The following GRIA1 variants were observed in gnomAD, a reference collection of about 807,000 sequenced individuals.
The protein encoded by GRIA1 is glutamate ionotropic receptor AMPA type subunit 1, also known as glutamate receptor 1.
Under a neutral mutation model 99.2 loss-of-function variants are expected in GRIA1, and 31 were observed. The observed-to-expected ratio is 0.31, with a 90% CI of 0.23 to 0.42. The LOEUF (loss-of-function observed/expected upper bound fraction) is 0.42. Ranked by LOEUF, GRIA1 falls within the 10% of genes least tolerant of loss-of-function variation. The probability of loss-of-function intolerance (pLI) is 1.00; values close to 1 mark genes in which losing one functional copy is unlikely to be tolerated. For missense variants in GRIA1, 782 were observed against 1,157.5 expected, an observed-to-expected ratio of 0.68 and a Z score of 4.71; for synonymous variants, 438 against 432.4, an observed-to-expected ratio of 1.01 and a Z score of -0.16.
intron 5 of GRIA1, among the ~76,000 whole-genome samples, chr5:153,658,390 G>T (rs1184554538): frequency 6.6e-6 from 1 of 152,076 alleles, no homozygotes; most frequent in Non-Finnish European, 1.5e-5. Flanking sequence ...TCAGCCTCTT[G>T]GGCTGTTGTA....
intron 7 of GRIA1, among the ~76,000 whole-genome samples, chr5:153,684,162 T>C (rs1392025956): frequency 1.3e-5 from 2 of 152,168 alleles, no homozygotes; most frequent in African/African-American, 2.4e-5. Context: ...CCCATGTAAA[T>C]AAAGATCATA....
intron 2 of GRIA1, among the ~76,000 whole-genome samples, chr5:153,510,584 C>G (rs1755968493): frequency 1.3e-5 from 2 of 152,044 alleles, no homozygotes; most frequent in Admixed American, 6.6e-5. Context: ...GAGGGTTTCT[C>G]CGGAGCTCTG....
chr5:153,592,407 G>A (rs183782495), intron 2 of GRIA1, among the ~76,000 whole-genome samples: 55 of 151,870 alleles, frequency 3.6e-4, no homozygotes, highest in Non-Finnish European at 2.4e-4. Context: ...TGTCTGTGCC[G>A]TGGTCTCTTT....
chr5:153,723,747 G>A (rs998502032), intron 11 of GRIA1, among the ~76,000 whole-genome samples: 15 of 151,408 alleles, frequency 9.9e-5, no homozygotes, highest in Non-Finnish European at 1.8e-4. Context: ...CAGGAAGCTC[G>A]AACTGGGTGG....
chr5:153,495,843 G>A (rs1455202238), intron 2 of GRIA1, among the ~76,000 whole-genome samples: 1 of 152,166 alleles, frequency 6.6e-6, no homozygotes, highest in Non-Finnish European at 1.5e-5. Context: ...AGGGTCTTTG[G>A]AAGGGGCATT....
chr5:153,812,038 G>C lies in GRIA1; in HGVS notation c.*813G>C, dbSNP rs891835339. The C allele has an allele frequency of 1.9e-4, 29 of 152,240 alleles. No homozygotes were observed. Among genetic ancestry groups the C allele is most frequent in the African/African-American group, 7.0e-4 (29 of 41,530 alleles). The allele number at this position is 152,240 out of a possible 1,614,324, so 9.4% of individuals were successfully genotyped here. A position where few individuals can be genotyped will look rare whatever the true frequency, so the allele number is the denominator to read the frequency against. ...CATTTCATAGGTCATAGGTGGTATG[G>C]TATATTTCTTCAGAGTCAACCTTGG... On this transcript the variant is annotated 3_prime_UTR_variant, in exon 16 of 16. Coordinates refer to ENST00000285900, the MANE Select transcript of GRIA1 (RefSeq NM_000827.4).
chr5:153,665,807 G>A (rs1443002039), intron 5 of GRIA1, among the ~76,000 whole-genome samples: 1 of 152,126 alleles, frequency 6.6e-6, no homozygotes, highest in African/African-American at 2.4e-5. Flanking sequence ...GAGCTACTAT[G>A]GTGGAAAAGA....
At chr5:153,751,762 T>A (rs942010684) in intron 11 of GRIA1, among the ~76,000 whole-genome samples, 1 of 152,226 alleles carries the variant, frequency 6.6e-6, no homozygotes, top group Non-Finnish European at 1.5e-5. Flanking sequence ...TCCCATCAGA[T>A]CCTTACTATC....
At position 153,802,434 on chromosome 5, in the gene GRIA1, C is replaced by T; in HGVS notation, c.2464C>T (p.Leu822=). The change falls in exon 15 of 16, where the codon CTG becomes TTG. Residue 822 remains leucine, a synonymous_variant. Coordinates refer to ENST00000285900, the MANE Select transcript of GRIA1 (RefSeq NM_000827.4). ...ILIGGLGLAM[L]VALIEFCYKS... ...GATCGGAGGACTTGGACTAGCCATG[C>T]TGGTTGCCTTAATCGAGTTCTGCTA... is the stretch of plus-strand genomic sequence containing the variant. The T allele has an allele frequency of 6.2e-7, 1 of 1,613,838 alleles. No individual in the cohort carries two copies.
intron 2 of GRIA1, among the ~76,000 whole-genome samples, chr5:153,640,987 T>C (rs1753742382): frequency 6.6e-6 from 1 of 152,076 alleles, no homozygotes; most frequent in Non-Finnish European, 1.5e-5. Flanking sequence ...CAAGAGAATA[T>C]AAAAAGGGAT....
chr5:153,768,607 G>A (rs930263065), intron 12 of GRIA1, among the ~76,000 whole-genome samples: 3 of 152,164 alleles, frequency 2.0e-5, no homozygotes, highest in Non-Finnish European at 4.4e-5. Flanking sequence ...CCTGGGCCCC[G>A]AATGTCTTTA....
chr5:153,700,295 G>A (rs901590250), intron 10 of GRIA1, among the ~76,000 whole-genome samples: 17 of 152,208 alleles, frequency 1.1e-4, no homozygotes, highest in African/African-American at 3.9e-4. Flanking sequence ...TGAGGCAGGA[G>A]AATCACTTGA....
intron 5 of GRIA1, among the ~76,000 whole-genome samples, chr5:153,669,878 TC>T (rs1242125536): frequency 2.0e-5 from 3 of 152,148 alleles, no homozygotes; most frequent in African/African-American, 7.2e-5. Context: ...ACCCCCAACA[TC>T]CCCTTCTCAA....
chr5:153,785,707 T>C (rs1764927312), intron 13 of GRIA1, among the ~76,000 whole-genome samples: 2 of 152,220 alleles, frequency 1.3e-5, no homozygotes, highest in South Asian at 4.1e-4. Context: ...ATGAGCCGTT[T>C]GGGAACCACT....
intron 2 of GRIA1, among the ~76,000 whole-genome samples, chr5:153,607,568 C>T (rs1765564786): frequency 6.6e-6 from 1 of 151,730 alleles, no homozygotes. Context: ...ACTTTTTACT[C>T]CTGTATTAAT....
At chr5:153,730,723 G>A (rs141203853) in intron 11 of GRIA1, among the ~76,000 whole-genome samples, 24 of 152,154 alleles carry the variant, frequency 1.6e-4, no homozygotes, top group African/African-American at 4.8e-4. Context: ...AAAGTAAAGC[G>A]GTAGATAACA....
intron 11 of GRIA1, among the ~76,000 whole-genome samples, chr5:153,757,015 G>C (rs558506037): frequency 6.6e-6 from 1 of 152,120 alleles, no homozygotes; most frequent in East Asian, 1.9e-4. Context: ...ATGATCTGTT[G>C]GACAAGTGAT....
intron 13 of GRIA1, among the ~76,000 whole-genome samples, chr5:153,775,157 G>GA (rs1764138827): frequency 6.6e-6 from 1 of 152,200 alleles, no homozygotes. Flanking sequence ...AGCCTAAACT[G>GA]AAATGTCTTT....
At chr5:153,805,145 C>A (rs1766344351) in intron 15 of GRIA1, among the ~76,000 whole-genome samples, 1 of 152,070 alleles carries the variant, frequency 6.6e-6, no homozygotes, top group Non-Finnish European at 1.5e-5. Context: ...TTATAAAGAG[C>A]TTGGCAAAAT....
Sources: gnomAD v4.1 joint callset for allele counts (sites outside exome capture counted in the v4.1 genomes callset) on GRCh38, gnomAD v4.1.1 for gene constraint, MANE v1.5 for transcripts, NCBI Gene and HGNC (gene_info 2026-07-23, HGNC 2026-07-21) for gene names.